Variants in NAALADL2 observed in about 807,000 individuals in gnomAD.
NAALADL2 encodes the protein inactive N-acetylated-alpha-linked acidic dipeptidase-like protein 2.
A neutral mutation model predicts 87.2 loss-of-function variants in NAALADL2; 76 were observed. The observed-to-expected ratio is 0.87, with a 90% CI of 0.72 to 1.05. NAALADL2 has a LOEUF of 1.05. Among genes scored for constraint, NAALADL2 ranks in the 50% least tolerant of loss-of-function variants. The pLI is 0.00. For synonymous variants in NAALADL2, 354 were observed against 331.0 expected, an observed-to-expected ratio of 1.07 and a Z score of -0.75; for missense variants, 1,089 against 945.8, an observed-to-expected ratio of 1.15 and a Z score of -1.99.
intron 12 of NAALADL2, among the ~76,000 whole-genome samples, chr3:175,746,703 C>T (rs1745984098): frequency 6.6e-6 from 1 of 152,182 alleles, no homozygotes; most frequent in Non-Finnish European, 1.5e-5. Flanking sequence ...AGGACGTAAA[C>T]TCTAAAGCAT....
chr3:174,991,640 A>C (rs1010969373), intron 1 of NAALADL2, among the ~76,000 whole-genome samples: 3 of 152,122 alleles, frequency 2.0e-5, no homozygotes, highest in East Asian at 1.9e-4. Context: ...GAGAATAAGC[A>C]ATTAAAATAT....
chr3:175,287,425 C>T (rs1384822663), intron 4 of NAALADL2, among the ~76,000 whole-genome samples: 1 of 152,152 alleles, frequency 6.6e-6, no homozygotes, highest in East Asian at 1.9e-4. Context: ...ACACCATGCA[C>T]TTTATAAATA....
chr3:175,513,417 A>G (rs1403817022), intron 9 of NAALADL2, among the ~76,000 whole-genome samples: 1 of 152,186 alleles, frequency 6.6e-6, no homozygotes, highest in East Asian at 1.9e-4. Context: ...GCAGAGCAGC[A>G]TAAAAGAACA....
In NAALADL2 at chr3:174,519,079, A is replaced by G. The variant is rs1251468977; in HGVS notation, c.-183-31490A>G. Among the ~76,000 whole-genome samples, 5 of 152,224 alleles carry G rather than the reference A, an allele frequency of 3.3e-5. No individual in the cohort carries two copies. In the South Asian group the frequency reaches 1.0e-3, roughly 32 times the overall value. On this transcript the variant is annotated intron_variant, in intron 1 of 3. Coordinates refer to the NAALADL2 transcript ENST00000434257. Reference sequence around the variant, plus strand: ...CTCCATCACCTACCACCTGCAAGACAAACACATTCAACATATAAAAGATAT... The same window carrying G: ...CTCCATCACCTACCACCTGCAAGACGAACACATTCAACATATAAAAGATAT...
At chr3:175,715,592 A>C (rs1233602577) in intron 11 of NAALADL2, among the ~76,000 whole-genome samples, 2 of 152,042 alleles carry the variant, frequency 1.3e-5, no homozygotes, top group Non-Finnish European at 2.9e-5. Context: ...ATGGACACTC[A>C]AGGCTGGGCA....
At chr3:175,594,061 A>G (rs889041614) in intron 10 of NAALADL2, among the ~76,000 whole-genome samples, 4 of 151,878 alleles carry the variant, frequency 2.6e-5, no homozygotes, top group Non-Finnish European at 4.4e-5. Flanking sequence ...ATGTTGCACA[A>G]TGCTGAGGTT....
Position 175,093,414 on chromosome 3 carries a change from T to TATATATATATATATATATATATA in NAALADL2, c.44-3376_44-3375insATATATATATATATATATATATA, listed in dbSNP as rs1553771396. Among the ~76,000 whole-genome samples, 141 of 117,654 alleles carry TATATATATATATATATATATATA rather than the reference T, an allele frequency of 1.2e-3. 1 individual carries two copies. Among genetic ancestry groups the TATATATATATATATATATATATA allele is most frequent in the African/African-American group, 4.8e-3 (116 of 24,272 alleles). The allele number at this position is 117,654 out of a possible 152,430, so 77.2% of individuals were successfully genotyped here. The stretch of plus-strand genomic sequence containing the variant: ...TTTTTTTGTTGAGTTCATTTTATTT[T>TATATATATATATATATATATATA]TTTATATATATATATATATGTTTTA... On this transcript the variant is annotated intron_variant, in intron 1 of 13. Coordinates refer to ENST00000454872, the MANE Select transcript of NAALADL2 (RefSeq NM_207015.3).
At chr3:174,550,256 A>T (rs149090002) in intron 1 of NAALADL2, among the ~76,000 whole-genome samples, 1 of 152,048 alleles carries the variant, frequency 6.6e-6, no homozygotes, top group Non-Finnish European at 1.5e-5. Flanking sequence ...TTTCCTAGTG[A>T]CAAATGTTAT....
At chr3:175,501,501 G>A (rs1482898415) in intron 9 of NAALADL2, among the ~76,000 whole-genome samples, 1 of 151,472 alleles carries the variant, frequency 6.6e-6, no homozygotes, top group East Asian at 2.0e-4. Flanking sequence ...ATTTGGAGCT[G>A]GAGGTTGGGT....
Position 174,741,950 on chromosome 3 carries a change from T to G in NAALADL2, c.-9+4204T>G, listed in dbSNP as rs77042091. Among the ~76,000 whole-genome samples, 963 of 151,824 alleles carry G rather than the reference T, an allele frequency of 6.3e-3. 7 individuals carry two copies. The highest frequency in any genetic ancestry group is 0.022 in the African/African-American group (914 of 41,554). ...TTACATGGAATGCATTTTATACTTT[T>G]TGCGTATGCACTGCCTTCTTGTCCT... is the stretch of plus-strand genomic sequence containing the variant. On this transcript the variant is annotated intron_variant, in intron 3 of 3. Transcript: ENST00000434257.
intron 1 of NAALADL2, among the ~76,000 whole-genome samples, chr3:174,947,711 A>G (rs991433098): frequency 6.6e-6 from 1 of 151,974 alleles, no homozygotes; most frequent in African/African-American, 2.4e-5. Context: ...AATCCACATG[A>G]ATAGTGATAT....
At chr3:175,646,604 C>G (rs1157942350) in intron 11 of NAALADL2, among the ~76,000 whole-genome samples, 1 of 152,018 alleles carries the variant, frequency 6.6e-6, no homozygotes, top group Non-Finnish European at 1.5e-5. Context: ...TCCTCTATCC[C>G]TATGATGTTC....
In NAALADL2 at chr3:175,267,058, G is replaced by A. The variant is rs1387449199; in HGVS notation, c.939+10528G>A. Among the ~76,000 whole-genome samples the A allele has an allele frequency of 2.0e-5, 3 of 150,344 alleles. No individual in the cohort carries two copies. In the East Asian group the frequency reaches 5.8e-4, roughly 29 times the overall value. The stretch of plus-strand genomic sequence containing the variant: ...GTAAAAAAAAAAAAGTGTGCTAATT[G>A]ATCAATTAAAATTCAATTGGCCCTT... On this transcript the variant is annotated intron_variant, in intron 4 of 13. Coordinates refer to ENST00000454872, the MANE Select transcript of NAALADL2 (RefSeq NM_207015.3).
chr3:174,854,762 G>GT (rs1725657119), upstream of NAALADL2, among the ~76,000 whole-genome samples: 1 of 150,244 alleles, frequency 6.7e-6, no homozygotes, highest in Admixed American at 6.6e-5. Context: ...TATTGAATAC[G>GT]TAACACAGTA....
At chr3:174,704,660 A>G (rs557123702) in intron 2 of NAALADL2, among the ~76,000 whole-genome samples, 1 of 152,102 alleles carries the variant, frequency 6.6e-6, no homozygotes, top group Admixed American at 6.6e-5. Flanking sequence ...ATTCATATAT[A>G]CAGGCAGATA....
At chr3:174,564,304 T>TG (rs887326073) in intron 2 of NAALADL2, among the ~76,000 whole-genome samples, 8 of 152,046 alleles carry the variant, frequency 5.3e-5, no homozygotes, top group African/African-American at 1.9e-4. Context: ...GGAAAAAACA[T>TG]GCGGCTGGCA....
chr3:175,076,098 C>T (rs1379642938), intron 1 of NAALADL2, among the ~76,000 whole-genome samples: 3 of 151,998 alleles, frequency 2.0e-5, no homozygotes, highest in Non-Finnish European at 2.9e-5. Context: ...TGTGGTGCTG[C>T]AAGCCTGTAA....
intron 1 of NAALADL2, among the ~76,000 whole-genome samples, chr3:174,470,096 T>A (rs1053234019): frequency 2.6e-5 from 4 of 152,194 alleles, no homozygotes; most frequent in South Asian, 2.1e-4. Flanking sequence ...CACTACTATA[T>A]ATCCATACAG....
At chr3:175,021,428 A>T (rs887801632) in intron 1 of NAALADL2, among the ~76,000 whole-genome samples, 2 of 152,098 alleles carry the variant, frequency 1.3e-5, no homozygotes, top group African/African-American at 4.8e-5. Flanking sequence ...TGAAGGTAAA[A>T]AAGATACAAC....
Sources: allele counts gnomAD v4.1 joint callset (sites outside exome capture counted in the v4.1 genomes callset), GRCh38; gene constraint gnomAD v4.1.1; transcripts MANE v1.5; gene names NCBI Gene and HGNC (gene_info 2026-07-23, HGNC 2026-07-21).